Variants in FAM107B observed in about 807,000 individuals in gnomAD.
The protein encoded by FAM107B is protein FAM107B.
In FAM107B, 21 loss-of-function variants were observed where a neutral mutation model predicts 31.5. That is an observed-to-expected ratio of 0.67 (90% CI 0.47 to 0.96). The LOEUF is 0.96. Ranked by LOEUF, FAM107B falls within the 40% of genes least tolerant of loss-of-function variation. The pLI, the probability that FAM107B is intolerant of heterozygous loss-of-function variation, is 0.00. For missense variants in FAM107B, 452 were observed against 377.1 expected, an observed-to-expected ratio of 1.20 and a Z score of -1.64; for synonymous variants, 157 against 141.5, an observed-to-expected ratio of 1.11 and a Z score of -0.78.
chr10:14,641,892 T>C (rs1288100917), intron 2 of FAM107B, among the ~76,000 whole-genome samples: 1 of 151,998 alleles, frequency 6.6e-6, no homozygotes, highest in Non-Finnish European at 1.5e-5. Context: ...GCTCCAAGAG[T>C]CTTAACTTGT....
chr10:14,528,138 C>A (rs1588477480), intron 3 of FAM107B: 1 of 183,654 alleles, frequency 5.4e-6, no homozygotes. Context: ...TTATGTTAAG[C>A]ATTTTCATAC....
chr10:14,598,274 A>G (rs1200310533), intron 2 of FAM107B, among the ~76,000 whole-genome samples: 2 of 152,104 alleles, frequency 1.3e-5, no homozygotes, highest in East Asian at 3.9e-4. Context: ...CTCTTCCCCT[A>G]TGTTTTCTTC....
chr10:14,550,576 T>C (rs1435365877), intron 2 of FAM107B, among the ~76,000 whole-genome samples: 1 of 152,216 alleles, frequency 6.6e-6, no homozygotes, highest in Non-Finnish European at 1.5e-5. Flanking sequence ...AAAGGTGGCG[T>C]GGCACCCCTT....
At chr10:14,570,621 G>A (rs1851134344) in intron 2 of FAM107B, among the ~76,000 whole-genome samples, 1 of 152,100 alleles carries the variant, frequency 6.6e-6, no homozygotes, top group South Asian at 2.1e-4. Flanking sequence ...GGCCAACATG[G>A]TGAAACCTCA....
intron 2 of FAM107B, among the ~76,000 whole-genome samples, chr10:14,584,371 A>C (rs947619587): frequency 2.6e-5 from 4 of 152,060 alleles, no homozygotes; most frequent in Admixed American, 2.6e-4. Context: ...GTGGAAAAGG[A>C]CCTCCGAGGT....
intron 1 of FAM107B, among the ~76,000 whole-genome samples, chr10:14,729,140 G>A (rs1420873915): frequency 6.6e-6 from 1 of 151,972 alleles, no homozygotes; most frequent in Non-Finnish European, 1.5e-5. Context: ...CCACAGATGT[G>A]CATTGTCATA....
At chr10:14,637,220 C>A (rs1002447592) in intron 2 of FAM107B, among the ~76,000 whole-genome samples, 2 of 152,136 alleles carry the variant, frequency 1.3e-5, no homozygotes, top group African/African-American at 2.4e-5. Context: ...AGCACCCAGG[C>A]CTTTCCCTGT....
chr10:14,648,570 A>G (rs1853824291), intron 2 of FAM107B, among the ~76,000 whole-genome samples: 1 of 152,230 alleles, frequency 6.6e-6, no homozygotes, highest in Non-Finnish European at 1.5e-5. Context: ...CGAAGAGCCA[A>G]TGATACCAGG....
chr10:14,616,610 A>G (rs979328673), intron 2 of FAM107B, among the ~76,000 whole-genome samples: 5 of 152,350 alleles, frequency 3.3e-5, no homozygotes, highest in African/African-American at 1.2e-4. Flanking sequence ...AAGAACAGCA[A>G]TAATGAAAGG....
At chr10:14,591,932 C>T (rs1268980285) in intron 2 of FAM107B, among the ~76,000 whole-genome samples, 1 of 150,586 alleles carries the variant, frequency 6.6e-6, no homozygotes, top group South Asian at 2.1e-4. Flanking sequence ...TTCAACAAGT[C>T]AATAGCATGG....
At chr10:14,620,556 A>G (rs564726872) in intron 2 of FAM107B, among the ~76,000 whole-genome samples, 2 of 152,228 alleles carry the variant, frequency 1.3e-5, no homozygotes, top group South Asian at 4.1e-4. Context: ...TTATAATTTA[A>G]GTTCTGGGAT....
intron 1 of FAM107B, among the ~76,000 whole-genome samples, chr10:14,765,706 T>C (rs1278329966): frequency 6.6e-6 from 1 of 152,236 alleles, no homozygotes; most frequent in Non-Finnish European, 1.5e-5. Flanking sequence ...TTACCATATA[T>C]TTTAAAATGT....
intron 1 of FAM107B, among the ~76,000 whole-genome samples, chr10:14,725,574 A>G (rs2247023): frequency 0.99 from 150,585 of 152,126 alleles, 74,534 homozygotes; most frequent in East Asian, 1. Flanking sequence ...CTGTCTTCTG[A>G]TTGTATCCTC....
intron 1 of FAM107B, among the ~76,000 whole-genome samples, chr10:14,678,654 C>T (rs961246565): frequency 6.6e-6 from 1 of 152,176 alleles, no homozygotes; most frequent in African/African-American, 2.4e-5. Flanking sequence ...CTTTTCTTCT[C>T]CTCTCTTCTT....
At chr10:14,637,400 T>G (rs1301164042) in intron 2 of FAM107B, among the ~76,000 whole-genome samples, 2 of 152,044 alleles carry the variant, frequency 1.3e-5, no homozygotes, top group South Asian at 2.1e-4. Flanking sequence ...TTTGGGAGGT[T>G]GAAGCAGGTG....
At chr10:14,699,192 G>A (rs1333018606) in intron 1 of FAM107B, among the ~76,000 whole-genome samples, 2 of 152,192 alleles carry the variant, frequency 1.3e-5, no homozygotes, top group Admixed American at 6.5e-5. Context: ...GGACCATGCT[G>A]TATTAAACAG....
chr10:14,634,122 C>T (rs10906722), intron 2 of FAM107B, among the ~76,000 whole-genome samples: 8,598 of 152,186 alleles, frequency 0.056, 262 homozygotes, highest in South Asian at 0.07. Flanking sequence ...TCAGGCCAGG[C>T]GCTGTGGCTC....
At chr10:14,706,176 G>T (rs1390128819) in intron 1 of FAM107B, among the ~76,000 whole-genome samples, 1 of 152,288 alleles carries the variant, frequency 6.6e-6, no homozygotes, top group East Asian at 1.9e-4. Context: ...CTGTCTTTGT[G>T]TCCTATGCTT....
intron 2 of FAM107B, among the ~76,000 whole-genome samples, chr10:14,640,972 A>C (rs1853613362): frequency 6.6e-6 from 1 of 152,200 alleles, no homozygotes. Flanking sequence ...GTAATTATCT[A>C]TGGTTTCCAC....
Sources: allele counts gnomAD v4.1 joint callset (sites outside exome capture counted in the v4.1 genomes callset), GRCh38; gene constraint gnomAD v4.1.1; transcripts MANE v1.5; gene names NCBI Gene and HGNC (gene_info 2026-07-23, HGNC 2026-07-21).